The following VPS45 variants were observed in gnomAD, a reference collection of about 807,000 sequenced individuals.
The protein encoded by VPS45 is vacuolar protein sorting 45 homolog.
A neutral mutation model predicts 75.9 loss-of-function variants in VPS45; 35 were observed. The observed-to-expected ratio is 0.46, with a 90% CI of 0.35 to 0.61. The LOEUF is 0.61. VPS45 is among the 20% of genes least tolerant of loss of function. The probability of loss-of-function intolerance (pLI) is 0.00; values close to 1 mark genes in which losing one functional copy is unlikely to be tolerated. For synonymous variants in VPS45, 220 were observed against 238.2 expected (o/e 0.92, Z 0.70); for missense variants, 559 against 685.9 (o/e 0.81, Z 2.07).
At chr1:150,074,027 T>TTTG in intron 3 of VPS45, among the ~76,000 whole-genome samples, 1 of 150,674 alleles carries the variant, frequency 6.6e-6, no homozygotes, top group African/African-American at 2.4e-5. Context: ...TTTTTTTTTT[T>TTTG]TGTCCGAGAA....
intron 3 of VPS45, among the ~76,000 whole-genome samples, chr1:150,074,017 T>TG (rs1655228733): frequency 5.7e-3 from 3 of 530 alleles, no homozygotes; most frequent in African/African-American, 6.5e-3. Context: ...GTTGTTTTTG[T>TG]TTTTTTTTTT....
chr1:150,118,331 C>A (rs1229766096), intron 14 of VPS45, among the ~76,000 whole-genome samples: 1 of 149,140 alleles, frequency 6.7e-6, no homozygotes, highest in Non-Finnish European at 1.5e-5. Flanking sequence ...ATTTTCTGTT[C>A]AAAAAAGTAG....
intron 14 of VPS45, among the ~76,000 whole-genome samples, chr1:150,141,790 T>A (rs1659404235): frequency 6.6e-6 from 1 of 152,222 alleles, no homozygotes; most frequent in African/African-American, 2.4e-5. Context: ...GTAGGAATCA[T>A]AACTAAGGTG....
chr1:150,110,674 A>G (rs1553807034), intron 14 of VPS45, 47 bp downstream of exon 14: 3 of 1,526,120 alleles, frequency 2.0e-6, no homozygotes, highest in Middle Eastern at 1.8e-4. Context: ...TTCCCAGAGG[A>G]TAAAGCTTAA....
chr1:150,120,929 G>A lies in VPS45; in HGVS notation c.1625+10302G>A, dbSNP rs753819625. Among the ~76,000 whole-genome samples, 117 of 146,248 alleles carry A rather than the reference G, an allele frequency of 8.0e-4. 1 individual carries two copies. Among genetic ancestry groups the A allele is most frequent in the Non-Finnish European group, 1.3e-3 (88 of 67,174 alleles). On this transcript the variant is annotated intron_variant, in intron 14 of 14. Coordinates refer to ENST00000644510, the MANE Select transcript of VPS45 (RefSeq NM_007259.5). The stretch of plus-strand genomic sequence containing the variant: ...GTGGCCCAGGCTGGAGTGCAGTGGC[G>A]CGATCTCGGCTCACTGCAAGCTTCG...
Position 150,129,628 on chromosome 1 carries a change from C to G in VPS45, c.1626-15081C>G, listed in dbSNP as rs587754391. Among the ~76,000 whole-genome samples the G allele has an allele frequency of 4.1e-5, 6 of 145,744 alleles. No homozygotes were observed. The East Asian group carries it at 1.3e-3, about 30-fold the overall frequency. Reference sequence around the variant, plus strand: ...AGGCTGGAGTGCAGTGACACCACCTCGGCTCACTGCAACGCCCGCCTCCCA... The same window carrying G: ...AGGCTGGAGTGCAGTGACACCACCTGGGCTCACTGCAACGCCCGCCTCCCA... On this transcript the variant is annotated intron_variant, in intron 14 of 14. Transcript: ENST00000644510.
intron 10 of VPS45, among the ~76,000 whole-genome samples, chr1:150,089,496 G>A (rs1571845316): frequency 6.6e-6 from 1 of 151,638 alleles, no homozygotes; most frequent in East Asian, 1.9e-4. Flanking sequence ...GAGTAGCTGA[G>A]ACTACAGGCA....
intron 14 of VPS45, among the ~76,000 whole-genome samples, chr1:150,128,437 A>G (rs971101453): frequency 6.6e-6 from 1 of 152,204 alleles, no homozygotes; most frequent in Non-Finnish European, 1.5e-5. Context: ...TGTAGTGAAT[A>G]CAGCTAAGGG....
intron 14 of VPS45, among the ~76,000 whole-genome samples, chr1:150,115,146 A>G (rs991273166): frequency 1.3e-5 from 2 of 152,088 alleles, no homozygotes; most frequent in Non-Finnish European, 2.9e-5. Flanking sequence ...CCTGTTGTCT[A>G]TCCTTCTGGA....
intron 13 of VPS45, among the ~76,000 whole-genome samples, chr1:150,099,563 T>C (rs1342153157): frequency 6.7e-6 from 1 of 148,654 alleles, no homozygotes; most frequent in Non-Finnish European, 1.5e-5. Flanking sequence ...TACCTCAAAA[T>C]AATAAGAGCC....
chr1:150,072,183 T>A lies in VPS45; in HGVS notation c.246T>A (p.Ile82=). 6.2e-7 allele frequency: 1 copy of A among 1,608,322 alleles called. No homozygotes were observed. The highest frequency in any genetic ancestry group is 8.5e-7 in the Non-Finnish European group (1 of 1,176,986). The part of the protein sequence containing the change: ...LRPTKENVDY[I]IQELRRPKYT... ...TTTTCTAGGAGAATGTGGATTATAT[T>A]ATTCAGGAGCTCCGAAGACCCAAAT... Residue 82 remains isoleucine, a synonymous_variant, in exon 3 of 15, where the codon ATT becomes ATA. Coordinates refer to ENST00000644510, the MANE Select transcript of VPS45 (RefSeq NM_007259.5).
intron 10 of VPS45, among the ~76,000 whole-genome samples, chr1:150,089,385 GTTTCAC>G (rs1656204160): frequency 6.6e-6 from 1 of 151,816 alleles, no homozygotes; most frequent in Non-Finnish European, 1.5e-5. Flanking sequence ...ATTTGAGACA[GTTTCAC>G]TCTGTCGCCC....
intron 14 of VPS45, among the ~76,000 whole-genome samples, chr1:150,134,250 G>C (rs1553813068): frequency 6.6e-6 from 1 of 152,136 alleles, no homozygotes; most frequent in Non-Finnish European, 1.5e-5. Context: ...AGCCAACTAA[G>C]TTTGGAAAAC....
chr1:150,094,237 A>G (rs1199486141), intron 13 of VPS45, among the ~76,000 whole-genome samples: 1 of 149,846 alleles, frequency 6.7e-6, no homozygotes, highest in Non-Finnish European at 1.5e-5. Flanking sequence ...TAAATACTGT[A>G]TACATAAATT....
intron 13 of VPS45, chr1:150,098,720 C>A: frequency 5.7e-6 from 2 of 350,020 alleles, no homozygotes; most frequent in Non-Finnish European, 8.6e-6. Context: ...ATTTTTTTAG[C>A]CCTTAGCTGT....
chr1:150,100,074 A>G (rs940939187), intron 13 of VPS45, among the ~76,000 whole-genome samples: 1 of 152,198 alleles, frequency 6.6e-6, no homozygotes, highest in East Asian at 1.9e-4. Flanking sequence ...ATGATTCTAT[A>G]TCTAGAAAAC....
chr1:150,143,662 T>C (rs1264368815), intron 14 of VPS45, among the ~76,000 whole-genome samples: 3 of 151,010 alleles, frequency 2.0e-5, no homozygotes, highest in African/African-American at 7.3e-5. Flanking sequence ...CTACTTGAGG[T>C]AGGAAAGCTC....
chr1:150,087,299 G>A (rs999403039), intron 10 of VPS45, among the ~76,000 whole-genome samples: 6 of 152,126 alleles, frequency 3.9e-5, no homozygotes, highest in African/African-American at 1.4e-4. Context: ...TTAGAGTTCA[G>A]TGCAAGGTTT....
At chr1:150,074,118 G>A (rs587728122) in intron 3 of VPS45, among the ~76,000 whole-genome samples, 4 of 151,380 alleles carry the variant, frequency 2.6e-5, no homozygotes, top group East Asian at 1.9e-4. Context: ...GGGTTCAAGC[G>A]ATTCTCCCAC....
Sources: gnomAD v4.1 joint callset for allele counts (sites outside exome capture counted in the v4.1 genomes callset) on GRCh38, gnomAD v4.1.1 for gene constraint, MANE v1.5 for transcripts, NCBI Gene and HGNC (gene_info 2026-07-23, HGNC 2026-07-21) for gene names.